Variants in GAREM1 observed in about 807,000 individuals in gnomAD.
GAREM1 encodes the protein GRB2 associated regulator of MAPK1 subtype 1, also known as GRB2-associated and regulator of MAPK protein 1.
Under a neutral mutation model 71.3 loss-of-function variants are expected in GAREM1, and 26 were observed. That is an observed-to-expected ratio of 0.36 (90% CI 0.27 to 0.51). The LOEUF (loss-of-function observed/expected upper bound fraction) is 0.51, where lower values mean the gene tolerates loss of function less well. Ranked by LOEUF, GAREM1 falls within the 20% of genes least tolerant of loss-of-function variation. The pLI is 0.95. For synonymous variants in GAREM1, 440 were observed against 433.2 expected (o/e 1.02, Z -0.20); for missense variants, 1,026 against 1,103.1 (o/e 0.93, Z 0.99).
At chr18:32,296,255 C>T (rs2047138443) in intron 3 of GAREM1, among the ~76,000 whole-genome samples, 1 of 152,174 alleles carries the variant, frequency 6.6e-6, no homozygotes, top group South Asian at 2.1e-4. Flanking sequence ...GCCACCACGC[C>T]CAGGTAGCTT....
Position 32,287,209 on chromosome 18 carries a change from G to A in GAREM1, c.1388C>T (p.Pro463Leu). 1 of 1,614,214 alleles carries A rather than the reference G, an allele frequency of 6.2e-7. No homozygotes were observed. Among genetic ancestry groups the A allele is most frequent in the Non-Finnish European group, 8.5e-7 (1 of 1,180,042 alleles). The stretch of plus-strand genomic sequence containing the variant: ...AGAGCGAGTGAGAGGCTGATGGCTG[G>A]GCTTGCCTTCCTCCAGCCACAGCTC... ...YEELWLEEGK[P>L]SHQPLTRSLS... The change falls in exon 4 of 6, where the codon CCC (proline) becomes CTC (leucine). Residue 463 changes from proline to leucine, a missense_variant. Coordinates refer to ENST00000269209, the MANE Select transcript of GAREM1 (RefSeq NM_001242409.2). The surrounding 1 kb of genome is among the most constrained non-coding windows in gnomAD (Gnocchi z 5.9).
intron 1 of GAREM1, among the ~76,000 whole-genome samples, chr18:32,455,986 A>G (rs2048883544): frequency 6.6e-6 from 1 of 152,134 alleles, no homozygotes; most frequent in Non-Finnish European, 1.5e-5. Context: ...AAAAAATCTT[A>G]TATCATATGC....
chr18:32,415,476 AAAATACTAGCAAACT>A (rs2048458034), intron 1 of GAREM1, among the ~76,000 whole-genome samples: 1 of 152,170 alleles, frequency 6.6e-6, no homozygotes, highest in Non-Finnish European at 1.5e-5. Flanking sequence ...AATCTTCAAC[AAAATACTAGCAAACT>A]AAATTCAACA....
intron 2 of GAREM1, among the ~76,000 whole-genome samples, chr18:32,374,990 T>C (rs2048018866): frequency 6.6e-6 from 1 of 152,204 alleles, no homozygotes; most frequent in African/African-American, 2.4e-5. Context: ...AAAAGACATC[T>C]ACTTTCTCCT....
At position 32,287,006 on chromosome 18, in the gene GAREM1, G is replaced by T. The variant is rs377513112; in HGVS notation, c.1566+25C>A. 2.2e-5 allele frequency: 33 copies of T among 1,509,426 alleles called. No individual in the cohort carries two copies. Among genetic ancestry groups the T allele is most frequent in the Non-Finnish European group, 2.8e-5 (31 of 1,089,626 alleles). The allele number at this position is 1,509,426 out of a possible 1,614,324, so 93.5% of individuals were successfully genotyped here. On this transcript the variant is annotated intron_variant, in intron 4 of 5. Transcript: ENST00000269209. This position sits in a 1 kb window ranked among gnomAD's most constrained non-coding sequence, Gnocchi z 5.9. ...GCAGAGAGACAGAAAGACTGGCACC[G>T]CATTCAAAAACAGAAATGACTTACG... is the stretch of plus-strand genomic sequence containing the variant.
chr18:32,304,122 C>T (rs2047225750), intron 3 of GAREM1, among the ~76,000 whole-genome samples: 2 of 151,698 alleles, frequency 1.3e-5, no homozygotes, highest in African/African-American at 2.4e-5. Context: ...GCCTGGCCAA[C>T]ATGGCGAAAC....
At chr18:32,333,702 T>C (rs780757385) in intron 2 of GAREM1, among the ~76,000 whole-genome samples, 2 of 152,188 alleles carry the variant, frequency 1.3e-5, no homozygotes, top group Non-Finnish European at 2.9e-5. Flanking sequence ...TCCATGGCAA[T>C]AGATCTCATC....
chr18:32,421,346 T>C (rs1001979117), intron 1 of GAREM1, among the ~76,000 whole-genome samples: 1 of 152,194 alleles, frequency 6.6e-6, no homozygotes, highest in African/African-American at 2.4e-5. Flanking sequence ...AGGTCCATTC[T>C]CTTCTGCACA....
Position 32,348,984 on chromosome 18 carries a change from A to T in GAREM1, c.263-38661T>A, listed in dbSNP as rs549976095. Among the ~76,000 whole-genome samples, 5 of 152,324 alleles carry T rather than the reference A, an allele frequency of 3.3e-5. No individual in the cohort carries two copies. The East Asian group carries it at 9.6e-4, about 29-fold the overall frequency. On this transcript the variant is annotated intron_variant, in intron 2 of 5. Coordinates refer to ENST00000269209, the MANE Select transcript of GAREM1 (RefSeq NM_001242409.2). ...ATATTTCACAGAATTTATCTTATTT[A>T]GTCCAATTTTCTGAACATGTAGTTA...
chr18:32,360,813 T>C (rs768154594), intron 2 of GAREM1, among the ~76,000 whole-genome samples: 5 of 152,190 alleles, frequency 3.3e-5, no homozygotes, highest in Admixed American at 6.5e-5. Flanking sequence ...CACTCTCCTG[T>C]CTGTTAAGAG....
intron 2 of GAREM1, among the ~76,000 whole-genome samples, chr18:32,363,903 T>TACACACACACACACACACACACAC (rs151234771): frequency 2.0e-4 from 29 of 142,866 alleles, no homozygotes; most frequent in African/African-American, 7.6e-4. Context: ...GTCAAGGTTA[T>TACACACACACACACACACACACAC]ACACACACAC....
intron 2 of GAREM1, among the ~76,000 whole-genome samples, chr18:32,314,833 T>G (rs2047360556): frequency 6.6e-6 from 1 of 151,964 alleles, no homozygotes; most frequent in Non-Finnish European, 1.5e-5. Flanking sequence ...GTGATCCACC[T>G]GCCTCAGCCT....
intron 1 of GAREM1, among the ~76,000 whole-genome samples, chr18:32,449,496 G>A (rs944773873): frequency 7.2e-5 from 11 of 152,112 alleles, no homozygotes; most frequent in East Asian, 1.9e-4. Flanking sequence ...ACAACATGGC[G>A]AAACCCCATC....
chr18:32,294,726 TGTAAG>T lies in GAREM1; in HGVS notation c.394-6528_394-6524del, dbSNP rs1418471791. Among the ~76,000 whole-genome samples the T allele has an allele frequency of 1.3e-4, 20 of 152,182 alleles. No homozygotes were observed. The South Asian group carries it at 4.2e-3, about 32-fold the overall frequency. ...CTATTTTGCATGTCCAGTGTCTTAC[TGTAAG>T]GTTTTTTCTCCAGTTAATTCTCTTG... On this transcript the variant is annotated intron_variant, in intron 3 of 5. Coordinates refer to ENST00000269209, the MANE Select transcript of GAREM1 (RefSeq NM_001242409.2).
chr18:32,389,582 T>C (rs755856526), intron 2 of GAREM1, among the ~76,000 whole-genome samples: 2 of 152,172 alleles, frequency 1.3e-5, no homozygotes, highest in East Asian at 1.9e-4. Flanking sequence ...TTAAACATTT[T>C]AAATTACTGT....
chr18:32,422,289 T>C lies in GAREM1; in HGVS notation c.122-29254A>G, dbSNP rs576233285. The stretch of plus-strand genomic sequence containing the variant: ...TTTGCTGAGAATGATGGTTTCCAGT[T>C]TTTCTCTGACTTCTAACTCCCATTC... On this transcript the variant is annotated intron_variant, in intron 1 of 5. Transcript: ENST00000269209. Among the ~76,000 whole-genome samples, 3 of 152,230 alleles carry C rather than the reference T, an allele frequency of 2.0e-5. No homozygotes were observed. The South Asian group carries it at 6.2e-4, about 32-fold the overall frequency.
intron 4 of GAREM1, among the ~76,000 whole-genome samples, chr18:32,281,518 C>T (rs1016616048): frequency 1.3e-5 from 2 of 152,232 alleles, no homozygotes; most frequent in Non-Finnish European, 2.9e-5. Context: ...AGCTGTGGGG[C>T]AACCCTGTCT....
In GAREM1 at chr18:32,287,178, G is replaced by C; in HGVS notation, c.1419C>G (p.Ser473Arg). The C allele has an allele frequency of 6.2e-7, 1 of 1,614,214 alleles. No homozygotes were observed. The highest frequency in any genetic ancestry group is 8.5e-7 in the Non-Finnish European group (1 of 1,180,032). The change falls in exon 4 of 6, where the codon AGC (serine) becomes AGG (arginine). Residue 473 changes from serine (S) to arginine (R), a missense_variant. By Grantham distance (110) the Ser-to-Arg change is moderately radical (BLOSUM62 -1). Around this residue, in one of 3 missense-constraint regions of GAREM1, gnomAD observed 636 missense variants for 631.2 expected, o/e 1.01. Transcript: ENST00000269209. The surrounding 1 kb of genome is among the most constrained non-coding windows in gnomAD (Gnocchi z 5.9). ...PSHQPLTRSL[S>R]EKNRCDQFRG... ...TAAACTGATCACATCTGTTCTTCTC[G>C]CTCAGAGAGCGAGTGAGAGGCTGAT...
intron 2 of GAREM1, among the ~76,000 whole-genome samples, chr18:32,387,032 TTTAA>T (rs771342125): frequency 3.4e-5 from 5 of 149,138 alleles, no homozygotes; most frequent in African/African-American, 1.3e-4. Flanking sequence ...TCTTTTTTTT[TTTAA>T]AAAAAAATCA....
Sources: allele counts gnomAD v4.1 joint callset (sites outside exome capture counted in the v4.1 genomes callset), GRCh38; gene constraint gnomAD v4.1.1; regional missense constraint gnomAD v4.1.1; non-coding constraint Gnocchi (gnomAD v3.1); transcripts MANE v1.5; gene names NCBI Gene and HGNC (gene_info 2026-07-23, HGNC 2026-07-21).